SCARB1: variants seen among roughly 807,000 people sequenced by gnomAD.
SCARB1 encodes CD36 and LIMPII analogous 1.
Under a neutral mutation model 57.2 loss-of-function variants are expected in SCARB1, and 30 were observed. The observed-to-expected ratio is 0.52, with a 90% CI of 0.39 to 0.71. SCARB1 has a LOEUF of 0.71. SCARB1 is among the 30% of genes least tolerant of loss of function. The pLI is 0.00. For synonymous variants in SCARB1, 249 were observed against 268.3 expected (o/e 0.93, Z 0.70); for missense variants, 543 against 671.2 (o/e 0.81, Z 2.11).
At chr12:124,788,338 A>C (rs1949597430) in intron 9 of SCARB1, among the ~76,000 whole-genome samples, 1 of 152,224 alleles carries the variant, frequency 6.6e-6, no homozygotes, top group South Asian at 2.1e-4. Context: ...ATGGCAATGC[A>C]CCCAGTTAAA....
chr12:124,809,605 G>A (rs879821221), intron 6 of SCARB1, among the ~76,000 whole-genome samples: 3 of 152,202 alleles, frequency 2.0e-5, no homozygotes, highest in Non-Finnish European at 2.9e-5. Flanking sequence ...CTGGCACACA[G>A]TAGGGCTTCA....
chr12:124,787,397 C>T lies in SCARB1; in HGVS notation c.1254+9G>A. ...AAAGCCCCCGACGCTGTGCCCAACGCACCCTTACCTCTGCAAACCAGAGCA... is the reference window on the plus strand; with the variant it reads ...AAAGCCCCCGACGCTGTGCCCAACGTACCCTTACCTCTGCAAACCAGAGCA... On this transcript the variant is annotated intron_variant, in intron 10 of 12. Transcript: ENST00000261693. 6.2e-7 allele frequency: 1 copy of T among 1,613,656 alleles called. No individual in the cohort carries two copies. Among genetic ancestry groups the T allele is most frequent in the Non-Finnish European group, 8.5e-7 (1 of 1,179,846 alleles).
chr12:124,824,446 G>A (rs1452886228), intron 1 of SCARB1, among the ~76,000 whole-genome samples: 2 of 152,254 alleles, frequency 1.3e-5, no homozygotes, highest in East Asian at 1.9e-4. Context: ...GAACTAGATC[G>A]TGGTAACGAT....
chr12:124,801,980 G>A lies in SCARB1; in HGVS notation c.1010-1738C>T, dbSNP rs926664991. On this transcript the variant is annotated intron_variant, in intron 7 of 12. Transcript: ENST00000261693. ...AGCCTGACCGATATGGAGAAACCCC[G>A]TCTCTACTAAAAATACAAAATTAGC... 3.3e-5 allele frequency among the ~76,000 whole-genome samples: 5 copies of A among 151,506 alleles called. No homozygotes were observed. In the East Asian group the frequency reaches 5.8e-4, roughly 18 times the overall value.
intron 1 of SCARB1, among the ~76,000 whole-genome samples, chr12:124,823,485 T>C (rs1175453423): frequency 6.6e-6 from 1 of 152,124 alleles, no homozygotes; most frequent in Non-Finnish European, 1.5e-5. Context: ...AAATAGCAAG[T>C]GTTGGCAAGG....
chr12:124,795,127 A>G, intron 9 of SCARB1, 68 bp downstream of exon 9: 3 of 1,313,802 alleles, frequency 2.3e-6, no homozygotes, highest in East Asian at 2.3e-5. Context: ...GGAGTCTGGG[A>G]CCACTGGAGC....
At chr12:124,830,881 C>G (rs1951356318) in intron 1 of SCARB1, among the ~76,000 whole-genome samples, 1 of 152,070 alleles carries the variant, frequency 6.6e-6, no homozygotes, top group Non-Finnish European at 1.5e-5. Flanking sequence ...GGTGTGATCT[C>G]AGCTCACTGC....
intron 1 of SCARB1, among the ~76,000 whole-genome samples, chr12:124,855,909 T>C (rs1409428053): frequency 2.6e-5 from 4 of 152,178 alleles, no homozygotes; most frequent in African/African-American, 9.7e-5. Context: ...GGGCCAAGAC[T>C]CATCCAGGAA....
intron 1 of SCARB1, among the ~76,000 whole-genome samples, chr12:124,856,701 T>C (rs950753022): frequency 1.3e-5 from 2 of 151,714 alleles, no homozygotes; most frequent in African/African-American, 4.8e-5. Flanking sequence ...AACAAGGGGG[T>C]CCTACAGGAA....
intron 7 of SCARB1, among the ~76,000 whole-genome samples, chr12:124,804,805 G>A (rs59909184): frequency 0.036 from 5,474 of 152,252 alleles, 313 homozygotes; most frequent in African/African-American, 0.12. Flanking sequence ...GCTGGAGGAC[G>A]GGGCTTCAAC....
chr12:124,831,969 G>C (rs142945534), intron 1 of SCARB1, among the ~76,000 whole-genome samples: 1 of 152,220 alleles, frequency 6.6e-6, no homozygotes, highest in African/African-American at 2.4e-5. Context: ...AACCCACAGA[G>C]ACCAGAGGAT....
rs1381245244 is a variant in SCARB1 at position 124,817,810 on chromosome 12, C to T, written c.127-103G>A. 6.3e-6 allele frequency: 8 copies of T among 1,275,542 alleles called. No individual in the cohort carries two copies. In the East Asian group the frequency reaches 1.8e-4, roughly 29 times the overall value. 79.0% of individuals were successfully genotyped at this position (1,275,542 alleles called of 1,614,324 possible). On this transcript the variant is annotated intron_variant, in intron 1 of 12. Transcript: ENST00000261693. The surrounding 1 kb of genome is among the most constrained non-coding windows in gnomAD (Gnocchi z 4.8). ...TGCCCGAGCCCGGCCAGGGAAGGGG[C>T]TCCTCGGCGGGAGCTTGGGATAGGA...
At chr12:124,780,811 T>C (rs1259964346) in intron 12 of SCARB1, among the ~76,000 whole-genome samples, 2 of 152,112 alleles carry the variant, frequency 1.3e-5, no homozygotes, top group East Asian at 1.9e-4. Context: ...ACTCTATCTA[T>C]GCTAAAAGTG....
rs576636212 is a variant in SCARB1 at position 124,782,783 on chromosome 12, C to A, written c.1430G>T (p.Ser477Ile). The change falls in exon 12 of 13, where the codon AGT (serine) becomes ATT (isoleucine). Residue 477 changes from serine (S) to isoleucine (I), a missense_variant. Ser to Ile is a moderately radical substitution (Grantham distance 142). Coordinates refer to ENST00000261693, the MANE Select transcript of SCARB1 (RefSeq NM_005505.5). ...CTCCTTATCCTTTGAGCCCTTTTTA[C>A]TACTACTCCAAAATAAATAGCATTT... ...QEKCYLFWSSSKKGSKDKEAI... is the reference protein window; with the variant it reads ...QEKCYLFWSSIKKGSKDKEAI... 22 of 1,613,832 alleles carry A rather than the reference C, an allele frequency of 1.4e-5. No individual in the cohort carries two copies. The South Asian group carries it at 2.3e-4, about 17-fold the overall frequency.
chr12:124,783,072 G>C (rs1003239087), intron 11 of SCARB1: 1 of 460,884 alleles, frequency 2.2e-6, no homozygotes. Flanking sequence ...ATTTAAGCCA[G>C]CGAGGAAGCA....
At chr12:124,832,289 G>A (rs867300199) in intron 1 of SCARB1, among the ~76,000 whole-genome samples, 9 of 152,288 alleles carry the variant, frequency 5.9e-5, no homozygotes, top group Middle Eastern at 3.4e-3. Context: ...GGAGGCCAAG[G>A]CAGGTGGATC....
intron 7 of SCARB1, among the ~76,000 whole-genome samples, chr12:124,804,018 G>A (rs372682889): frequency 2.0e-5 from 3 of 152,216 alleles, no homozygotes; most frequent in East Asian, 1.9e-4. Context: ...GGAGGGGATG[G>A]GCATGTCGTT....
chr12:124,798,955 G>C (rs973678350), intron 8 of SCARB1, among the ~76,000 whole-genome samples: 1 of 152,244 alleles, frequency 6.6e-6, no homozygotes, highest in Admixed American at 6.5e-5. Context: ...CAGTTAGACA[G>C]GGGGAGTAAG....
chr12:124,782,026 C>T (rs1479560753), intron 12 of SCARB1, among the ~76,000 whole-genome samples: 1 of 152,224 alleles, frequency 6.6e-6, no homozygotes, highest in Non-Finnish European at 1.5e-5. Flanking sequence ...CTGCCTCAGC[C>T]TCCTGAGTAG....
Sources: gnomAD v4.1 joint callset for allele counts (sites outside exome capture counted in the v4.1 genomes callset) on GRCh38, gnomAD v4.1.1 for gene constraint, Gnocchi (gnomAD v3.1) non-coding constraint, MANE v1.5 for transcripts, NCBI Gene and HGNC (gene_info 2026-07-23, HGNC 2026-07-21) for gene names.